TAS2R1: variants seen among roughly 807,000 people sequenced by gnomAD.
The protein encoded by TAS2R1 is taste 2 receptor member 1, also known as taste receptor type 2 member 1.
For synonymous variants in TAS2R1, 141 were observed against 134.2 expected, an observed-to-expected ratio of 1.05 and a Z score of -0.35; for missense variants, 370 against 353.4, an observed-to-expected ratio of 1.05 and a Z score of -0.38.
the TAS2R1 span, among the ~76,000 whole-genome samples, chr5:9,720,780 A>T: frequency 6.6e-6 from 1 of 152,202 alleles, no homozygotes; most frequent in Non-Finnish European, 1.5e-5. Context: ...TACCTTGAAG[A>T]TTCACTCAGT....
chr5:9,754,192 T>C, the TAS2R1 span, among the ~76,000 whole-genome samples: 1 of 152,160 alleles, frequency 6.6e-6, no homozygotes, highest in African/African-American at 2.4e-5. Flanking sequence ...AAAAGGCCTT[T>C]GACAAAATTC....
At chr5:9,765,744 C>G in the TAS2R1 span, 1 of 152,118 alleles carries the variant, frequency 6.6e-6, no homozygotes. Flanking sequence ...TAATGGAAGA[C>G]CTAATGCAAG....
the TAS2R1 span, among the ~76,000 whole-genome samples, chr5:9,809,311 A>G: frequency 6.6e-6 from 1 of 152,172 alleles, no homozygotes; most frequent in Non-Finnish European, 1.5e-5. Flanking sequence ...CATGAAGGGA[A>G]TGTTACGGAC....
At chr5:9,899,553 C>T in the TAS2R1 span, among the ~76,000 whole-genome samples, 3 of 151,396 alleles carry the variant, frequency 2.0e-5, no homozygotes, top group Admixed American at 1.3e-4. Flanking sequence ...AGAAGAATTG[C>T]TTGAACCCGG....
rs527560974 is a variant in TAS2R1 at position 9,662,116 on chromosome 5, C to G, written c.-241-2535G>C. ...CTTTTACTCAGAACAGCCTCCATGC[C>G]ATTTCTCAGTCCCCTTTGATGTAAG... On this transcript the variant is annotated intron_variant, in intron 1 of 2. Transcript: ENST00000506620. 3.3e-5 allele frequency among the ~76,000 whole-genome samples: 5 copies of G among 152,278 alleles called. No homozygotes were observed. The South Asian group carries it at 1.0e-3, about 32-fold the overall frequency.
At chr5:9,878,354 A>G in the TAS2R1 span, among the ~76,000 whole-genome samples, 1 of 152,148 alleles carries the variant, frequency 6.6e-6, no homozygotes, top group Non-Finnish European at 1.5e-5. Context: ...GTCATAGAGT[A>G]TAGTTCCAGG....
chr5:9,638,483 G>C (rs1361474868), intron 2 of TAS2R1, among the ~76,000 whole-genome samples: 1 of 152,224 alleles, frequency 6.6e-6, no homozygotes, highest in Non-Finnish European at 1.5e-5. Context: ...AGTGGAATTA[G>C]GTGTTGTCTT....
At chr5:9,667,394 G>C (rs996376783) in intron 1 of TAS2R1, among the ~76,000 whole-genome samples, 13 of 152,194 alleles carry the variant, frequency 8.5e-5, no homozygotes, top group African/African-American at 3.1e-4. Context: ...GAAATACCTG[G>C]ATTGCAGGAC....
the TAS2R1 span, among the ~76,000 whole-genome samples, chr5:9,719,286 T>C: frequency 3.7e-4 from 57 of 152,182 alleles, no homozygotes; most frequent in Non-Finnish European, 7.1e-4. Context: ...TGAGAGAACA[T>C]AAATGATAAA....
intron 2 of TAS2R1, among the ~76,000 whole-genome samples, chr5:9,638,106 A>G (rs760663556): frequency 6.6e-6 from 1 of 152,214 alleles, no homozygotes; most frequent in African/African-American, 2.4e-5. Context: ...CTCTTGTCCC[A>G]TGGGGTGATC....
chr5:9,874,184 T>G, the TAS2R1 span, among the ~76,000 whole-genome samples: 1 of 152,226 alleles, frequency 6.6e-6, no homozygotes, highest in African/African-American at 2.4e-5. Context: ...TATTTTAAAC[T>G]ATATCCTTTA....
At chr5:9,759,351 C>T in the TAS2R1 span, among the ~76,000 whole-genome samples, 1 of 152,090 alleles carries the variant, frequency 6.6e-6, no homozygotes, top group African/African-American at 2.4e-5. Context: ...GGTCAGGATG[C>T]ACACTCTTTG....
intron 1 of TAS2R1, among the ~76,000 whole-genome samples, chr5:9,665,813 G>T (rs376394494): frequency 9.2e-5 from 14 of 152,352 alleles, no homozygotes; most frequent in African/African-American, 2.9e-4. Context: ...TAAAAGTAAA[G>T]GAACATAAGG....
the TAS2R1 span, among the ~76,000 whole-genome samples, chr5:9,778,476 A>C: frequency 6.6e-6 from 1 of 152,216 alleles, no homozygotes; most frequent in African/African-American, 2.4e-5. Flanking sequence ...GAAGCCAGGA[A>C]TTGTCTTCTC....
chr5:9,717,591 T>G, the TAS2R1 span, among the ~76,000 whole-genome samples: 4 of 151,896 alleles, frequency 2.6e-5, no homozygotes, highest in Admixed American at 6.6e-5. Flanking sequence ...CTACCAGATG[T>G]TAAAACATAA....
At chr5:9,823,202 G>C in the TAS2R1 span, among the ~76,000 whole-genome samples, 16 of 152,130 alleles carry the variant, frequency 1.1e-4, no homozygotes, top group Non-Finnish European at 2.1e-4. Flanking sequence ...CTTTTGATAA[G>C]AGTGTAAAAT....
chr5:9,653,233 C>T (rs1485332267), intron 2 of TAS2R1, among the ~76,000 whole-genome samples: 3 of 152,168 alleles, frequency 2.0e-5, no homozygotes, highest in African/African-American at 7.2e-5. Flanking sequence ...TCCTTTTTAT[C>T]ACCCACGTTG....
intron 1 of TAS2R1, among the ~76,000 whole-genome samples, chr5:9,688,527 G>A (rs556421450): frequency 6.6e-6 from 1 of 152,106 alleles, no homozygotes; most frequent in Non-Finnish European, 1.5e-5. Context: ...ATGGATTATC[G>A]AGGCTGAATA....
the TAS2R1 span, among the ~76,000 whole-genome samples, chr5:9,828,668 T>C: frequency 6.6e-6 from 1 of 152,238 alleles, no homozygotes; most frequent in African/African-American, 2.4e-5. Context: ...TACTGGAAGC[T>C]AAAAACTGTG....
Sources: allele counts gnomAD v4.1 joint callset (sites outside exome capture counted in the v4.1 genomes callset), GRCh38; gene constraint gnomAD v4.1.1; transcripts MANE v1.5; gene names NCBI Gene and HGNC (gene_info 2026-07-23, HGNC 2026-07-21).